The following ADAMTS7 variants were observed in gnomAD, a reference collection of about 807,000 sequenced individuals.
The protein encoded by ADAMTS7 is A disintegrin and metalloproteinase with thrombospondin motifs 7.
ADAMTS7 carries 89 observed loss-of-function variants against 172.6 expected under a neutral mutation model. The ratio of observed to expected loss-of-function variants is 0.52; its 90% CI spans 0.43 to 0.61. The LOEUF (loss-of-function observed/expected upper bound fraction) is 0.61. Among genes scored for constraint, ADAMTS7 ranks in the 20% least tolerant of loss-of-function variants. The pLI, the probability that ADAMTS7 is intolerant of heterozygous loss-of-function variation, is 0.00. For missense variants in ADAMTS7, 1,973 were observed against 2,355.6 expected, an observed-to-expected ratio of 0.84 and a Z score of 3.36; for synonymous variants, 885 against 978.4, an observed-to-expected ratio of 0.90 and a Z score of 1.78.
intron 1 of ADAMTS7, among the ~76,000 whole-genome samples, chr15:78,801,074 C>T (rs1200122275): frequency 6.6e-6 from 1 of 152,206 alleles, no homozygotes; most frequent in Non-Finnish European, 1.5e-5. Context: ...ACAGGTCTCT[C>T]TGTTTTCACT....
At chr15:78,781,157 C>T (rs2055422668) in intron 8 of ADAMTS7, among the ~76,000 whole-genome samples, 1 of 152,218 alleles carries the variant, frequency 6.6e-6, no homozygotes, top group Non-Finnish European at 1.5e-5. Flanking sequence ...CTCTGCGACG[C>T]CCCCAAGTCC....
chr15:78,806,857 G>A (rs2055804170), intron 1 of ADAMTS7, among the ~76,000 whole-genome samples: 1 of 152,134 alleles, frequency 6.6e-6, no homozygotes. Context: ...ACCTCCGGCT[G>A]CTGGGTTCAA....
In ADAMTS7 at chr15:78,790,813, A is replaced by G. The variant is rs754647214; in HGVS notation, c.904-19T>C. 1.2e-6 allele frequency: 2 copies of G among 1,612,574 alleles called. No individual in the cohort carries two copies. The highest frequency in any genetic ancestry group is 1.7e-6 in the Non-Finnish European group (2 of 1,179,546). On this transcript the variant is annotated intron_variant, in intron 5 of 23. Coordinates refer to ENST00000388820, the MANE Select transcript of ADAMTS7 (RefSeq NM_014272.5). Reference sequence around the variant, plus strand: ...GGTCCTCCTGGGGGCAGAGAGAGTGACTGCTCATGCCTCCCCTGAGTTCCA... The same window carrying G: ...GGTCCTCCTGGGGGCAGAGAGAGTGGCTGCTCATGCCTCCCCTGAGTTCCA...
rs149851892 is a variant in ADAMTS7, at chr15:78,766,915, C to T, written c.2996G>A (p.Gly999Asp). The T allele has an allele frequency of 1.0e-3, 1,604 of 1,609,982 alleles. 5 individuals carry two copies. The highest frequency in any genetic ancestry group is 2.5e-3 in the East Asian group (114 of 44,854). Residue 999 changes from glycine (G) to aspartate (D), a missense_variant, in exon 19 of 24, where the codon GGC (glycine) becomes GAC (aspartate). Transcript: ENST00000388820. ...CSLPLCRWPL[G>D]TLGPEGSGSG... ...GCCTGAGCCTTCAGGGCCCAGTGTG[C>T]CCAGGGGCCACCGACAGAGTGGCAG...
At chr15:78,782,113 C>T (rs2055436206) in intron 8 of ADAMTS7, among the ~76,000 whole-genome samples, 1 of 151,870 alleles carries the variant, frequency 6.6e-6, no homozygotes, top group East Asian at 1.9e-4. Context: ...CTCACTGCAA[C>T]CTCCACCTCC....
chr15:78,774,105 G>C, intron 13 of ADAMTS7, 62 bp downstream of exon 13: 1 of 1,574,238 alleles, frequency 6.4e-7, no homozygotes, highest in Non-Finnish European at 8.6e-7. Context: ...AGAGAACCTG[G>C]GGCCTGCCAG....
chr15:78,766,406 G>A lies in ADAMTS7; in HGVS notation c.3505C>T (p.Leu1169Phe). ...EEDTPIGAPD[L>F]GLPSLSWPRV... Reference sequence around the variant, plus strand: ...GGCCAGGACAGGCTGGGGAGCCCAAGATCTGGGGCCCCTATGGGGGTGTCT... The same window carrying A: ...GGCCAGGACAGGCTGGGGAGCCCAAAATCTGGGGCCCCTATGGGGGTGTCT... Residue 1169 changes from leucine to phenylalanine, a missense_variant, in exon 19 of 24, where the codon CTT becomes TTT. By Grantham distance (22) the Leu-to-Phe change is conservative. Coordinates refer to ENST00000388820, the MANE Select transcript of ADAMTS7 (RefSeq NM_014272.5). 1 of 1,604,676 alleles carries A rather than the reference G, an allele frequency of 6.2e-7. No homozygotes were observed. The highest frequency in any genetic ancestry group is 1.1e-5 in the South Asian group (1 of 90,166).
rs777410712 is a variant in ADAMTS7, at chr15:78,777,527, C to A, written c.1384G>T (p.Val462Leu). Reference protein sequence around the residue: ...PAKDIIDFPSVPPGVLYDVSH... With the variant: ...PAKDIIDFPSLPPGVLYDVSH... Reference sequence around the variant, plus strand: ...ACATCATAGAGGACGCCAGGTGGCACCGAGGGGAAGTCGATAATGTCCTTG... The same window carrying A: ...ACATCATAGAGGACGCCAGGTGGCAACGAGGGGAAGTCGATAATGTCCTTG... Residue 462 changes from valine to leucine, a missense_variant, in exon 9 of 24, where the codon GTG becomes TTG. Val to Leu is a conservative substitution (Grantham distance 32). Transcript: ENST00000388820. 1 of 1,610,582 alleles carries A rather than the reference C, an allele frequency of 6.2e-7. No individual in the cohort carries two copies. The highest frequency in any genetic ancestry group is 8.5e-7 in the Non-Finnish European group (1 of 1,178,674).
At chr15:78,769,775 C>T (rs2055216294) in intron 16 of ADAMTS7, among the ~76,000 whole-genome samples, 1 of 152,274 alleles carries the variant, frequency 6.6e-6, no homozygotes, top group South Asian at 2.1e-4. Context: ...CCAAGTGGTC[C>T]ACCTGCGAAG....
intron 1 of ADAMTS7, among the ~76,000 whole-genome samples, chr15:78,805,491 C>T (rs1056979364): frequency 1.3e-5 from 2 of 152,194 alleles, no homozygotes; most frequent in African/African-American, 4.8e-5. Flanking sequence ...GCTCCCCGGT[C>T]CTCAGTCCCC....
At chr15:78,774,374 G>A (rs945519597) in intron 12 of ADAMTS7, 74 bp from the exon 13 acceptor site, 15 of 1,476,886 alleles carry the variant, frequency 1.0e-5, no homozygotes, top group East Asian at 2.4e-5. Context: ...AGACCCCTCC[G>A]TGACACACAT....
At chr15:78,783,403 G>A (rs1215845404) in intron 8 of ADAMTS7, among the ~76,000 whole-genome samples, 2 of 151,950 alleles carry the variant, frequency 1.3e-5, no homozygotes, top group African/African-American at 2.4e-5. Context: ...CTGAGTAGCT[G>A]TGATTACAGG....
rs1466640020 is a variant in ADAMTS7, at chr15:78,797,940, G to A, written c.622+8C>T. On this transcript the variant is annotated splice_region_variant and intron_variant, in intron 3 of 23. Coordinates refer to ENST00000388820, the MANE Select transcript of ADAMTS7 (RefSeq NM_014272.5). ...ACCCACCCGAGAACTGGGAGCAGAA[G>A]AGCATACCTTGCACTCCACAGGTGC... is the stretch of plus-strand genomic sequence containing the variant. 1 of 1,597,080 alleles carries A rather than the reference G, an allele frequency of 6.3e-7. No individual in the cohort carries two copies. The highest frequency in any genetic ancestry group is 1.8e-5 in the Admixed American group (1 of 56,390).
At chr15:78,782,227 C>T (rs972635411) in intron 8 of ADAMTS7, among the ~76,000 whole-genome samples, 12 of 152,098 alleles carry the variant, frequency 7.9e-5, no homozygotes, top group African/African-American at 2.7e-4. Context: ...GACAGGGTTT[C>T]ACCATGTTGG....
At chr15:78,804,242 G>A (rs2055760572) in intron 1 of ADAMTS7, among the ~76,000 whole-genome samples, 1 of 152,200 alleles carries the variant, frequency 6.6e-6, no homozygotes, top group Non-Finnish European at 1.5e-5. Flanking sequence ...ATGTGAAAGA[G>A]TTGAATTAGA....
chr15:78,786,669 A>G (rs1226011957), intron 8 of ADAMTS7, among the ~76,000 whole-genome samples: 1 of 152,204 alleles, frequency 6.6e-6, no homozygotes, highest in African/African-American at 2.4e-5. Context: ...AAAGGTAGAC[A>G]GCCTGGGTAG....
intron 1 of ADAMTS7, among the ~76,000 whole-genome samples, chr15:78,806,125 CACAAAAAAAAAAAAAAA>C (rs1296882348): frequency 2.0e-3 from 36 of 18,374 alleles, no homozygotes; most frequent in African/African-American, 5.1e-3. Flanking sequence ...CACACACACA[CACAAAAAAAAAAAAAAA>C]AAAAAAAAAA....
At chr15:78,763,338 C>T (rs1483557799) in intron 22 of ADAMTS7, among the ~76,000 whole-genome samples, 5 of 152,236 alleles carry the variant, frequency 3.3e-5, no homozygotes, top group Non-Finnish European at 5.9e-5. Context: ...GCCCCTCTTA[C>T]GCCCCCTTCT....
At chr15:78,792,817 A>T (rs2055598536) in intron 4 of ADAMTS7, among the ~76,000 whole-genome samples, 1 of 151,758 alleles carries the variant, frequency 6.6e-6, no homozygotes, top group South Asian at 2.1e-4. Flanking sequence ...CCATCTCCAA[A>T]AGAAAGAAAG....
Sources: gnomAD v4.1 joint callset for allele counts (sites outside exome capture counted in the v4.1 genomes callset) on GRCh38, gnomAD v4.1.1 for gene constraint, MANE v1.5 for transcripts, NCBI Gene and HGNC (gene_info 2026-07-23, HGNC 2026-07-21) for gene names.